SLC25A23: variants seen among roughly 807,000 people sequenced by gnomAD.
The protein encoded by SLC25A23 is mitochondrial adenyl nucleotide antiporter SLC25A23.
A neutral mutation model predicts 53.9 loss-of-function variants in SLC25A23; 32 were observed. The ratio of observed to expected loss-of-function variants is 0.59; its 90% CI spans 0.45 to 0.80. The LOEUF (loss-of-function observed/expected upper bound fraction) is 0.80. SLC25A23 is among the 30% of genes least tolerant of loss of function. SLC25A23 has a pLI of 0.00. For missense variants in SLC25A23, 575 were observed against 651.4 expected, an observed-to-expected ratio of 0.88 and a Z score of 1.28; for synonymous variants, 275 against 264.5, an observed-to-expected ratio of 1.04 and a Z score of -0.38.
intron 8 of SLC25A23, among the ~76,000 whole-genome samples, chr19:6,449,645 A>G (rs1056174456): frequency 6.6e-6 from 1 of 151,470 alleles, no homozygotes; most frequent in Non-Finnish European, 1.5e-5. Context: ...CGATCTCTTG[A>G]CCTTGTGATC....
chr19:6,444,402 TAGCTG>T lies in SLC25A23; in HGVS notation c.1072-106_1072-102del, dbSNP rs373474628. 116 of 1,299,394 alleles carry T rather than the reference TAGCTG, an allele frequency of 8.9e-5. No individual in the cohort carries two copies. The African/African-American group carries it at 1.5e-3, about 17-fold the overall frequency. 80.5% of individuals were successfully genotyped at this position (1,299,394 alleles called of 1,614,324 possible). On this transcript the variant is annotated intron_variant, in intron 8 of 9. Coordinates refer to ENST00000301454, the MANE Select transcript of SLC25A23 (RefSeq NM_024103.3). ...TTCTGTATCCCATGACAGGTGCTACTAGCTGAGCACTTGGTACCTCCTAGGGGCCG... is the reference window on the plus strand; with the variant it reads ...TTCTGTATCCCATGACAGGTGCTACTAGCACTTGGTACCTCCTAGGGGCCG...
chr19:6,448,580 C>T (rs1050242572), intron 8 of SLC25A23, among the ~76,000 whole-genome samples: 1 of 151,854 alleles, frequency 6.6e-6, no homozygotes, highest in Non-Finnish European at 1.5e-5. Context: ...AAGCGATTCT[C>T]CTGTCTCAGC....
At position 6,457,599 on chromosome 19, in the gene SLC25A23, G is replaced by T; in HGVS notation, c.284-9C>A. ...AGAGACATCAATGTGACCTGGGGAG[G>T]GGGCCGGAGGTGGGGAAGGATGTGC... On this transcript the variant is annotated splice_polypyrimidine_tract_variant and intron_variant, in intron 2 of 9. Coordinates refer to ENST00000301454, the MANE Select transcript of SLC25A23 (RefSeq NM_024103.3). 1 of 1,613,424 alleles carries T rather than the reference G, an allele frequency of 6.2e-7. No individual in the cohort carries two copies. Among genetic ancestry groups the T allele is most frequent in the African/African-American group, 1.3e-5 (1 of 75,044 alleles).
chr19:6,440,165 C>T lies in SLC25A23; in HGVS notation c.*1810G>A, dbSNP rs866345596. On this transcript the variant is annotated 3_prime_UTR_variant, in exon 10 of 10. Transcript: ENST00000301454. ...GGAGGTCGAAGGAGGTGGAAGCGTG[C>T]GGAAGTCCTCCAGCCCCTCCCCAAA... 3 of 152,332 alleles carry T rather than the reference C, an allele frequency of 2.0e-5. No homozygotes were observed. Among genetic ancestry groups the T allele is most frequent in the African/African-American group, 4.8e-5 (2 of 41,392 alleles). 9.4% of individuals were successfully genotyped at this position (152,332 alleles called of 1,614,324 possible).
At chr19:6,439,807 G>A (rs1268218993), downstream of SLC25A23, among the ~76,000 whole-genome samples, 2 of 152,138 alleles carry the variant, frequency 1.3e-5, no homozygotes, top group Admixed American at 6.6e-5. Context: ...TCCAGCCTGG[G>A]CAACAGAGTG....
intron 8 of SLC25A23, among the ~76,000 whole-genome samples, chr19:6,445,706 G>A (rs773746278): frequency 2.0e-5 from 3 of 152,076 alleles, no homozygotes; most frequent in African/African-American, 4.8e-5. Flanking sequence ...AAGACACTAA[G>A]TTTATAACTT....
chr19:6,454,156 T>C lies in SLC25A23; in HGVS notation c.796-68A>G. 6.5e-7 allele frequency: 1 copy of C among 1,533,324 alleles called. No homozygotes were observed. The highest frequency in any genetic ancestry group is 8.9e-7 in the Non-Finnish European group (1 of 1,128,190). 95.0% of individuals were successfully genotyped at this position (1,533,324 alleles called of 1,614,324 possible). A position where few individuals can be genotyped will look rare whatever the true frequency, so the allele number is the denominator to read the frequency against. ...GAACCTTCCTTGCACTCCACTGTTC[T>C]CCTGGCTTCCAAAGAACTGGCTTGC... On this transcript the variant is annotated intron_variant, in intron 6 of 9. Coordinates refer to ENST00000301454, the MANE Select transcript of SLC25A23 (RefSeq NM_024103.3). This position sits in a 1 kb window ranked among gnomAD's most constrained non-coding sequence, Gnocchi z 4.3.
chr19:6,454,610 G>A lies in SLC25A23; in HGVS notation c.591C>T (p.Ala197=), dbSNP rs553187254. The A allele has an allele frequency of 3.1e-4, 493 of 1,613,748 alleles. 6 individuals carry two copies. The South Asian group carries it at 4.9e-3, about 16-fold the overall frequency. ...KQLVAGAVAG[A]VSRTGTAPLD... ...GAGGGGCCGTGCCTGTCCGTGACACGGCACCTGCCACTGCGCCGGCCACCA... is the reference window on the plus strand; with the variant it reads ...GAGGGGCCGTGCCTGTCCGTGACACAGCACCTGCCACTGCGCCGGCCACCA... Residue 197 remains alanine (A), a synonymous_variant, in exon 5 of 10, where the codon GCC becomes GCT. Coordinates refer to ENST00000301454, the MANE Select transcript of SLC25A23 (RefSeq NM_024103.3). This position sits in a 1 kb window ranked among gnomAD's most constrained non-coding sequence, Gnocchi z 4.3.
intron 7 of SLC25A23, 75 bp downstream of exon 7, chr19:6,453,906 G>T: frequency 1.6e-6 from 2 of 1,220,756 alleles, no homozygotes; most frequent in Non-Finnish European, 2.3e-6. Flanking sequence ...TGGATATTGT[G>T]AAATGCAGAG....
chr19:6,456,051 C>T (rs10418596), intron 4 of SLC25A23: 80,109 of 1,320,126 alleles, frequency 0.061, 3,034 homozygotes, highest in East Asian at 0.12. Context: ...TCTGTTCAGC[C>T]GTAGAATCTT....
chr19:6,439,699 G>A (rs2092391243), downstream of SLC25A23, among the ~76,000 whole-genome samples: 1 of 151,404 alleles, frequency 6.6e-6, no homozygotes, highest in Non-Finnish European at 1.5e-5. Context: ...GCGTGGTGGT[G>A]GGTGCCTGTA....
chr19:6,454,788 G>A lies in SLC25A23; in HGVS notation c.484-71C>T, dbSNP rs1038392950. On this transcript the variant is annotated intron_variant, in intron 4 of 9. Coordinates refer to ENST00000301454, the MANE Select transcript of SLC25A23 (RefSeq NM_024103.3). This position sits in a 1 kb window ranked among gnomAD's most constrained non-coding sequence, Gnocchi z 4.3. ...GAGATGTGACTCAGTCCTAAATAGG[G>A]GAGTCTCCTCTATGAATCCTAGGAT... 9 of 1,552,120 alleles carry A rather than the reference G, an allele frequency of 5.8e-6. No individual in the cohort carries two copies. The African/African-American group carries it at 1.2e-4, about 21-fold the overall frequency.
chr19:6,456,075 G>A, intron 4 of SLC25A23: 1 of 1,358,598 alleles, frequency 7.4e-7, no homozygotes, highest in South Asian at 1.2e-5. Context: ...TCCAGGCAGA[G>A]AACCCAGCAG....
intron 7 of SLC25A23, among the ~76,000 whole-genome samples, chr19:6,453,585 C>T (rs748302998): frequency 6.6e-6 from 1 of 152,184 alleles, no homozygotes; most frequent in Non-Finnish European, 1.5e-5. Context: ...AAACAATACA[C>T]TTCATAACCT....
chr19:6,455,971 G>A lies in SLC25A23; in HGVS notation c.483+449C>T, dbSNP rs549238364. ...CCTGACCTCGTGATCCGCCCACTTC[G>A]GCCTCCCAAAGTGCTGGGATTTTAG... On this transcript the variant is annotated intron_variant, in intron 4 of 9. Transcript: ENST00000301454. 136 of 1,258,848 alleles carry A rather than the reference G, an allele frequency of 1.1e-4. 2 individuals carry two copies. Among genetic ancestry groups the A allele is most frequent in the South Asian group, 7.1e-4 (57 of 79,802 alleles). The allele number at this position is 1,258,848 out of a possible 1,614,324, so 78.0% of individuals were successfully genotyped here.
At position 6,442,125 on chromosome 19, in the gene SLC25A23, C is replaced by T; in HGVS notation, c.1257G>A (p.Leu419=). ...SIEGGPQLSM[L]GLLRHILSQE... ...GGGACAGGATGTGACGTAGCAGACC[C>T]AGCATGGACAGCTGGGGGCCACCCT... The change falls in exon 10 of 10, where the codon CTG becomes CTA. Residue 419 remains leucine (L), a synonymous_variant. Transcript: ENST00000301454. 6.3e-7 allele frequency: 1 copy of T among 1,595,710 alleles called. No homozygotes were observed. Among genetic ancestry groups the T allele is most frequent in the Non-Finnish European group, 8.5e-7 (1 of 1,170,876 alleles).
At chr19:6,456,367 C>G in intron 4 of SLC25A23, 53 bp downstream of exon 4, 2 of 1,561,644 alleles carry the variant, frequency 1.3e-6, no homozygotes, top group Non-Finnish European at 8.8e-7. Context: ...GAGCAAGGCC[C>G]CCCTGGGGAA....
rs1005651266 is a variant in SLC25A23, at chr19:6,459,701, C to G, written c.-73G>C. ...GGGGGCTTCGCGGCTCCCCCTCCCC[C>G]CCCGGGACCCCGCAGGGTCAGCTCC... On this transcript the variant is annotated 5_prime_UTR_variant, in exon 1 of 10. Transcript: ENST00000301454. The surrounding 1 kb of genome is among the most constrained non-coding windows in gnomAD (Gnocchi z 4.6). The G allele has an allele frequency of 1.3e-5, 15 of 1,197,654 alleles. No individual in the cohort carries two copies. Among genetic ancestry groups the G allele is most frequent in the Middle Eastern group, 3.1e-4 (1 of 3,190 alleles). The allele number at this position is 1,197,654 out of a possible 1,614,324, so 74.2% of individuals were successfully genotyped here.
intron 9 of SLC25A23, among the ~76,000 whole-genome samples, chr19:6,443,947 C>G (rs756557775): frequency 4.6e-5 from 7 of 152,220 alleles, no homozygotes; most frequent in Non-Finnish European, 8.8e-5. Flanking sequence ...GGATCTCTTC[C>G]TGTACCCACT....
Sources: allele counts gnomAD v4.1 joint callset (sites outside exome capture counted in the v4.1 genomes callset), GRCh38; gene constraint gnomAD v4.1.1; non-coding constraint Gnocchi (gnomAD v3.1); transcripts MANE v1.5; gene names NCBI Gene and HGNC (gene_info 2026-07-23, HGNC 2026-07-21).